Variants in BANK1 observed in about 807,000 individuals in gnomAD.
BANK1 encodes B cell scaffold protein with ankyrin repeats 1.
In BANK1, 95 loss-of-function variants were observed where a neutral mutation model predicts 94.5. The observed-to-expected ratio is 1.00, with a 90% CI of 0.85 to 1.19. The LOEUF (loss-of-function observed/expected upper bound fraction) is 1.19. BANK1 is among the 50% of genes most tolerant of loss of function. The pLI is 0.00. For missense variants in BANK1, 987 were observed against 932.2 expected (o/e 1.06, Z -0.77); for synonymous variants, 334 against 308.4 (o/e 1.08, Z -0.87).
chr4:101,885,996 G>A (rs942045843), intron 5 of BANK1, among the ~76,000 whole-genome samples: 6 of 152,172 alleles, frequency 3.9e-5, no homozygotes, highest in Non-Finnish European at 7.3e-5. Flanking sequence ...CAATTAAAAT[G>A]TAATATAAAA....
rs550589244 is a variant in BANK1 at position 101,997,038 on chromosome 4, C to G, written c.1207-24476C>G. On this transcript the variant is annotated intron_variant, in intron 7 of 16. Transcript: ENST00000322953. ...TCAAAGGGAATGCTTCCAGCTTTTG[C>G]CCATTCAGTATGAAAATGGCTGTGT... is the stretch of plus-strand genomic sequence containing the variant. 1.2e-4 allele frequency among the ~76,000 whole-genome samples: 18 copies of G among 152,218 alleles called. No homozygotes were observed. The South Asian group carries it at 3.7e-3, about 32-fold the overall frequency.
At chr4:102,038,300 A>T (rs1481333197) in intron 10 of BANK1, among the ~76,000 whole-genome samples, 24 of 152,168 alleles carry the variant, frequency 1.6e-4, no homozygotes. Flanking sequence ...TACTTTTGAT[A>T]ATCACTAAGC....
intron 1 of BANK1, among the ~76,000 whole-genome samples, chr4:101,802,775 T>A (rs1425614337): frequency 6.6e-6 from 1 of 152,206 alleles, no homozygotes; most frequent in Non-Finnish European, 1.5e-5. Context: ...ATAAAATTGG[T>A]GCTCTGTAAT....
chr4:101,954,599 T>TGG (rs1465333201), intron 7 of BANK1, among the ~76,000 whole-genome samples: 3 of 152,192 alleles, frequency 2.0e-5, no homozygotes, highest in Non-Finnish European at 4.4e-5. Flanking sequence ...AGGGCTGGCA[T>TGG]GCTGACAAAA....
At chr4:101,808,417 G>A (rs1039119629) in intron 1 of BANK1, among the ~76,000 whole-genome samples, 2 of 152,224 alleles carry the variant, frequency 1.3e-5, no homozygotes, top group South Asian at 4.1e-4. Context: ...AAAATTTATA[G>A]AGTTTTGCTA....
intron 1 of BANK1, among the ~76,000 whole-genome samples, chr4:101,817,794 A>C (rs1461393984): frequency 6.6e-6 from 1 of 152,180 alleles, no homozygotes; most frequent in African/African-American, 2.4e-5. Flanking sequence ...AATGTAGCCC[A>C]ACATAGATTT....
At chr4:101,825,894 C>T (rs1726347728) in intron 1 of BANK1, among the ~76,000 whole-genome samples, 1 of 151,864 alleles carries the variant, frequency 6.6e-6, no homozygotes, top group African/African-American at 2.4e-5. Flanking sequence ...AGAAAGACTA[C>T]CTGTGTAATT....
Position 101,862,665 on chromosome 4 carries a change from G to A in BANK1, c.763+1G>A. 1 of 1,592,454 alleles carries A rather than the reference G, an allele frequency of 6.3e-7. No homozygotes were observed. The highest frequency in any genetic ancestry group is 8.5e-7 in the Non-Finnish European group (1 of 1,172,448). ...AAAGTCTGGTGCATGAAAGCTTTAG[G>A]TAAGAATGTTTATGATTTAATAAGC... On this transcript the variant is annotated splice_donor_variant, in intron 4 of 16. Coordinates refer to ENST00000322953, the MANE Select transcript of BANK1 (RefSeq NM_017935.5). LOFTEE classifies it high-confidence loss of function.
chr4:102,042,380 T>G (rs147632896), intron 10 of BANK1, among the ~76,000 whole-genome samples: 1 of 151,950 alleles, frequency 6.6e-6, no homozygotes, highest in Non-Finnish European at 1.5e-5. Flanking sequence ...AGAAAACTGG[T>G]TTTCAACCAA....
intron 3 of BANK1, among the ~76,000 whole-genome samples, chr4:101,861,906 G>A (rs986996630): frequency 2.0e-5 from 3 of 151,212 alleles, no homozygotes; most frequent in African/African-American, 7.3e-5. Context: ...TATACATTTG[G>A]CCTCTCCATC....
At chr4:101,896,052 C>T (rs1722065837) in intron 6 of BANK1, among the ~76,000 whole-genome samples, 1 of 151,796 alleles carries the variant, frequency 6.6e-6, no homozygotes, top group Non-Finnish European at 1.5e-5. Flanking sequence ...TCTTGTTTCA[C>T]CTTATTGAGT....
intron 5 of BANK1, among the ~76,000 whole-genome samples, chr4:101,879,914 A>C (rs1277895784): frequency 6.6e-6 from 1 of 152,046 alleles, no homozygotes; most frequent in Admixed American, 6.6e-5. Flanking sequence ...AGACCCTCCA[A>C]AAACTGGGGA....
intron 12 of BANK1, chr4:102,062,872 G>A: frequency 1.9e-6 from 1 of 517,736 alleles, no homozygotes; most frequent in Non-Finnish European, 3.5e-6. Context: ...AACATGGAAT[G>A]ACGACATTTT....
intron 2 of BANK1, among the ~76,000 whole-genome samples, chr4:101,832,568 T>C (rs1395809946): frequency 6.6e-6 from 1 of 152,178 alleles, no homozygotes; most frequent in Non-Finnish European, 1.5e-5. Flanking sequence ...TCTTTCTCTG[T>C]ATTACTTCCA....
chr4:101,966,792 A>G (rs1724778598), intron 7 of BANK1, among the ~76,000 whole-genome samples: 1 of 152,070 alleles, frequency 6.6e-6, no homozygotes, highest in Non-Finnish European at 1.5e-5. Context: ...CTTAAGACCC[A>G]TAGTCAGCTC....
At chr4:102,063,296 G>A (rs1199367825) in intron 13 of BANK1, among the ~76,000 whole-genome samples, 158 bp downstream of exon 13, 1 of 151,962 alleles carries the variant, frequency 6.6e-6, no homozygotes, top group Non-Finnish European at 1.5e-5. Context: ...CAAATTCCTT[G>A]TCTGCAAAAT....
chr4:102,006,345 G>A (rs1726261049), intron 7 of BANK1, among the ~76,000 whole-genome samples: 1 of 151,994 alleles, frequency 6.6e-6, no homozygotes, highest in Non-Finnish European at 1.5e-5. Flanking sequence ...GCCAGTGACT[G>A]GGTCCCACTT....
intron 6 of BANK1, among the ~76,000 whole-genome samples, chr4:101,913,909 C>G (rs748811864): frequency 7.2e-5 from 11 of 152,166 alleles, no homozygotes; most frequent in South Asian, 4.1e-4. Context: ...GTCAACTCAT[C>G]ATGCAGGTGC....
At chr4:102,019,187 A>G (rs982806821) in intron 7 of BANK1, among the ~76,000 whole-genome samples, 1 of 152,178 alleles carries the variant, frequency 6.6e-6, no homozygotes, top group East Asian at 1.9e-4. Flanking sequence ...TTCCTCTTCC[A>G]ATAAAAATGT....
Sources: gnomAD v4.1 joint callset for allele counts (sites outside exome capture counted in the v4.1 genomes callset) on GRCh38, gnomAD v4.1.1 for gene constraint, MANE v1.5 for transcripts, NCBI Gene and HGNC (gene_info 2026-07-23, HGNC 2026-07-21) for gene names.